The following BAZ2B variants were observed in gnomAD, a reference collection of about 807,000 sequenced individuals.
BAZ2B encodes the protein bromodomain adjacent to zinc finger domain protein 2B.
Under a neutral mutation model 246.0 loss-of-function variants are expected in BAZ2B, and 91 were observed. That is an observed-to-expected ratio of 0.37 (90% CI 0.31 to 0.44). The LOEUF (loss-of-function observed/expected upper bound fraction) is 0.44, where lower values mean the gene tolerates loss of function less well. BAZ2B is among the 20% of genes least tolerant of loss of function. BAZ2B has a pLI of 1.00. For missense variants in BAZ2B, 2,332 were observed against 2,533.7 expected (o/e 0.92, Z 1.71); for synonymous variants, 855 against 860.0 (o/e 0.99, Z 0.10).
intron 2 of BAZ2B, among the ~76,000 whole-genome samples, chr2:159,507,564 G>A (rs1240927195): frequency 6.6e-6 from 1 of 152,110 alleles, no homozygotes; most frequent in African/African-American, 2.4e-5. Flanking sequence ...GTCTGCTTGT[G>A]TATAAGGGAT....
intron 24 of BAZ2B, 96 bp from the exon 25 acceptor site, chr2:159,382,898 G>A (rs1265657655): frequency 2.1e-5 from 31 of 1,456,452 alleles, no homozygotes; most frequent in Non-Finnish European, 2.8e-5. Flanking sequence ...AATACCTTAT[G>A]GCATTTCTTT....
rs767287733 is a variant in BAZ2B at position 159,446,969 on chromosome 2, T to C, written c.509A>G (p.Asn170Ser). 7.7e-6 allele frequency: 12 copies of C among 1,550,026 alleles called. No homozygotes were observed. The highest frequency in any genetic ancestry group is 1.0e-5 in the Non-Finnish European group (12 of 1,151,586). ...SNRNGPEKGVNGSINGSNTSS... is the reference protein window; with the variant it reads ...SNRNGPEKGVSGSINGSNTSS... The stretch of plus-strand genomic sequence containing the variant: ...TGTATTACTTCCATTTATTGACCCA[T>C]TTACACCTTGAAAATAAAAATAAAC... The change falls in exon 6 of 37, where the codon AAT becomes AGT. Residue 170 changes from asparagine (N) to serine (S), a missense_variant. By Grantham distance (46) the Asn-to-Ser change is conservative. Coordinates refer to ENST00000392783, the MANE Select transcript of BAZ2B (RefSeq NM_013450.4).
chr2:159,445,047 A>T (rs2074030757), intron 6 of BAZ2B: 1 of 152,206 alleles, frequency 6.6e-6, no homozygotes, highest in Non-Finnish European at 1.5e-5. Flanking sequence ...TAGATAAATG[A>T]AACCTGGACT....
chr2:159,454,257 A>C (rs2150481560), intron 3 of BAZ2B, among the ~76,000 whole-genome samples: 1 of 152,304 alleles, frequency 6.6e-6, no homozygotes, highest in East Asian at 1.9e-4. Context: ...CACTCTAAGC[A>C]AGGCCATCCC....
intron 1 of BAZ2B, among the ~76,000 whole-genome samples, chr2:159,577,284 G>A (rs1685576157): frequency 6.6e-6 from 1 of 152,048 alleles, no homozygotes; most frequent in Admixed American, 6.6e-5. Context: ...GATTAAAAAG[G>A]AAAATTACAA....
chr2:159,347,651 A>G lies in BAZ2B; in HGVS notation c.5294-5T>C. 2 of 1,586,230 alleles carry G rather than the reference A, an allele frequency of 1.3e-6. No individual in the cohort carries two copies. Among genetic ancestry groups the G allele is most frequent in the Non-Finnish European group, 1.7e-6 (2 of 1,161,872 alleles). ...CATTCAGTTCAATAATAGCAACTAC[A>G]TTTAAAAAGAAATTAATTTAAAAAT... On this transcript the variant is annotated splice_polypyrimidine_tract_variant and splice_region_variant and intron_variant, in intron 30 of 36. Transcript: ENST00000392783.
chr2:159,567,160 T>C (rs1682818107), intron 1 of BAZ2B, among the ~76,000 whole-genome samples: 1 of 152,024 alleles, frequency 6.6e-6, no homozygotes, highest in Non-Finnish European at 1.5e-5. Flanking sequence ...GGAGAATCGC[T>C]TGAACCCGGG....
chr2:159,589,256 C>A (rs1231065886), intron 1 of BAZ2B, among the ~76,000 whole-genome samples: 1 of 152,056 alleles, frequency 6.6e-6, no homozygotes, highest in Non-Finnish European at 1.5e-5. Context: ...GGTATCCTTA[C>A]TCACACTGCT....
chr2:159,491,906 T>C (rs1403738513), intron 2 of BAZ2B, among the ~76,000 whole-genome samples: 1 of 152,112 alleles, frequency 6.6e-6, no homozygotes, highest in Non-Finnish European at 1.5e-5. Context: ...ATAGTCATTA[T>C]TACCATCCTA....
chr2:159,326,031 C>G, intron 34 of BAZ2B, 113 bp from the exon 35 acceptor site: 1 of 900,204 alleles, frequency 1.1e-6, no homozygotes, highest in Non-Finnish European at 1.6e-6. Flanking sequence ...TAACTCTGAT[C>G]TAGAATGTTG....
chr2:159,609,130 A>C (rs73010636), intron 1 of BAZ2B, among the ~76,000 whole-genome samples: 11,072 of 152,254 alleles, frequency 0.073, 511 homozygotes, highest in East Asian at 0.14. Flanking sequence ...CTTGAGACAC[A>C]AAGGTGTTCT....
chr2:159,402,112 T>C (rs986685620), intron 16 of BAZ2B, among the ~76,000 whole-genome samples: 1 of 152,212 alleles, frequency 6.6e-6, no homozygotes, highest in Non-Finnish European at 1.5e-5. Flanking sequence ...TTGGTGATCT[T>C]ATCATGGTAC....
chr2:159,581,751 G>A (rs1686839866), intron 1 of BAZ2B, among the ~76,000 whole-genome samples: 1 of 152,030 alleles, frequency 6.6e-6, no homozygotes, highest in South Asian at 2.1e-4. Flanking sequence ...CATAAAAAAG[G>A]ATGAGTTCAT....
At chr2:159,585,589 T>C (rs1372608138) in intron 1 of BAZ2B, among the ~76,000 whole-genome samples, 1 of 152,268 alleles carries the variant, frequency 6.6e-6, no homozygotes, top group East Asian at 1.9e-4. Flanking sequence ...TTGCAAATAA[T>C]GGTTAAAAGC....
the BAZ2B span, among the ~76,000 whole-genome samples, chr2:159,688,835 G>C: frequency 6.6e-6 from 1 of 152,126 alleles, no homozygotes; most frequent in African/African-American, 2.4e-5. Context: ...TTATGTTCAG[G>C]TTATGCATTT....
At chr2:159,606,068 C>T (rs779932905) in intron 1 of BAZ2B, among the ~76,000 whole-genome samples, 11 of 152,132 alleles carry the variant, frequency 7.2e-5, no homozygotes, top group Non-Finnish European at 1.3e-4. Context: ...GTTATTTACC[C>T]AACAAGCTGC....
chr2:159,397,168 C>T (rs755410219), intron 19 of BAZ2B, 177 bp downstream of exon 19: 8 of 1,432,746 alleles, frequency 5.6e-6, no homozygotes, highest in Non-Finnish European at 7.6e-6. Flanking sequence ...ATTTTTTAAC[C>T]CCCCAAAAAG....
At chr2:159,545,586 T>C (rs182511869) in intron 2 of BAZ2B, among the ~76,000 whole-genome samples, 1 of 152,338 alleles carries the variant, frequency 6.6e-6, no homozygotes, top group Non-Finnish European at 1.5e-5. Context: ...ATTTTCCTTA[T>C]ATTACACTTT....
chr2:159,667,597 A>AAAATAAATAAAT, the BAZ2B span, among the ~76,000 whole-genome samples: 15 of 142,384 alleles, frequency 1.1e-4, no homozygotes, highest in East Asian at 2.0e-4. Flanking sequence ...CTCTGTCTCA[A>AAAATAAATAAAT]AAATAAATAA....
Sources: gnomAD v4.1 joint callset for allele counts (sites outside exome capture counted in the v4.1 genomes callset) on GRCh38, gnomAD v4.1.1 for gene constraint, MANE v1.5 for transcripts, NCBI Gene and HGNC (gene_info 2026-07-23, HGNC 2026-07-21) for gene names.